Variants in PISD observed in about 807,000 individuals in gnomAD.
The protein encoded by PISD is phosphatidylserine decarboxylase proenzyme, mitochondrial.
Under a neutral mutation model 43.5 loss-of-function variants are expected in PISD, and 31 were observed. That is an observed-to-expected ratio of 0.71 (90% CI 0.54 to 0.96). The LOEUF is 0.96. Ranked by LOEUF, PISD falls within the 40% of genes least tolerant of loss-of-function variation. The pLI is 0.00. For synonymous variants in PISD, 259 were observed against 228.7 expected (o/e 1.13, Z -1.20); for missense variants, 523 against 548.4 (o/e 0.95, Z 0.46).
intron 3 of PISD, among the ~76,000 whole-genome samples, chr22:31,626,625 C>T (rs149269917): frequency 9.8e-5 from 15 of 152,320 alleles, no homozygotes; most frequent in Non-Finnish European, 1.8e-4. Context: ...GGGAACAGGC[C>T]AGGACTGCAG....
chr22:31,629,026 G>A (rs1002257504), intron 3 of PISD: 25 of 985,284 alleles, frequency 2.5e-5, no homozygotes, highest in African/African-American at 7.0e-5. Context: ...TAGGGGGTAG[G>A]GGAACACCTT....
intron 3 of PISD, chr22:31,626,029 G>C (rs2072890856): frequency 9.1e-6 from 13 of 1,432,358 alleles, no homozygotes; most frequent in Non-Finnish European, 1.2e-5. Flanking sequence ...ATTGCAGACA[G>C]ACAGGCACTG....
At chr22:31,662,462 T>C, upstream of PISD, 1 of 539,118 alleles carries the variant, frequency 1.9e-6, no homozygotes, top group Non-Finnish European at 3.3e-6. Context: ...TCCCTCTGGG[T>C]GCCTTTCCTC....
chr22:31,641,908 G>C (rs2073742073), intron 3 of PISD, among the ~76,000 whole-genome samples: 1 of 151,166 alleles, frequency 6.6e-6, no homozygotes, highest in Admixed American at 6.6e-5. Flanking sequence ...GCAGGAACAT[G>C]AAACCTTGGA....
rs536833381 is a variant in PISD at position 31,656,345 on chromosome 22, G to GA, written c.66-5568dup. 3.9e-3 allele frequency among the ~76,000 whole-genome samples: 570 copies of GA among 147,992 alleles called. 3 individuals carry two copies. The highest frequency in any genetic ancestry group is 5.8e-3 in the Admixed American group (86 of 14,836). On this transcript the variant is annotated intron_variant, in intron 1 of 7. Coordinates refer to ENST00000439502, the MANE Select transcript of PISD (RefSeq NM_001326411.2). ...GGCATGACAGAGCGAGACTCTGTCT[G>GA]AAAAAAACAAAAAAATAAAGGCCGG...
At chr22:31,638,349 C>A (rs1311681624) in intron 3 of PISD, 1 of 985,224 alleles carries the variant, frequency 1.0e-6, no homozygotes, top group African/African-American at 1.7e-5. Flanking sequence ...CAAGCCCCTG[C>A]CCCATGGGAA....
intron 3 of PISD, chr22:31,628,766 G>A (rs759224210): frequency 3.2e-6 from 3 of 927,112 alleles, no homozygotes; most frequent in Non-Finnish European, 3.9e-6. Flanking sequence ...GAGCACAGCT[G>A]CAACCATGGC....
chr22:31,662,309 G>T, upstream of PISD: 1 of 1,253,218 alleles, frequency 8.0e-7, no homozygotes, highest in Non-Finnish European at 1.2e-6. Context: ...AGAAAAGCGC[G>T]GGTTGGGGGC....
intron 3 of PISD, chr22:31,625,764 A>G (rs765032652): frequency 1.3e-6 from 2 of 1,587,714 alleles, no homozygotes; most frequent in Non-Finnish European, 1.7e-6. Flanking sequence ...GCATCTCACC[A>G]TTTCGCCGCG....
At chr22:31,625,605 G>T in intron 3 of PISD, 1 of 846,186 alleles carries the variant, frequency 1.2e-6, no homozygotes, top group Non-Finnish European at 1.8e-6. Context: ...CCGACTCAGG[G>T]TGCTCAGGCC....
At chr22:31,635,462 T>C (rs555751689) in intron 3 of PISD, among the ~76,000 whole-genome samples, 1 of 152,084 alleles carries the variant, frequency 6.6e-6, no homozygotes, top group African/African-American at 2.4e-5. Flanking sequence ...GCCACCACAC[T>C]GGGCTAATTT....
At chr22:31,644,460 C>T (rs943602931) in intron 3 of PISD, among the ~76,000 whole-genome samples, 3 of 151,900 alleles carry the variant, frequency 2.0e-5, no homozygotes, top group Non-Finnish European at 2.9e-5. Flanking sequence ...AGGATGGTCT[C>T]GATCTCCTGA....
At chr22:31,633,413 G>C (rs1156723536) in intron 3 of PISD, among the ~76,000 whole-genome samples, 2 of 152,152 alleles carry the variant, frequency 1.3e-5, no homozygotes, top group Admixed American at 6.6e-5. Flanking sequence ...AAGGCAGATG[G>C]GTGTTTAAAA....
Position 31,648,263 on chromosome 22 carries a change from G to A in PISD, c.159C>T (p.Ile53=), listed in dbSNP as rs2073936906. The A allele has an allele frequency of 1.9e-6, 3 of 1,607,314 alleles. No homozygotes were observed. The highest frequency in any genetic ancestry group is 2.5e-6 in the Non-Finnish European group (3 of 1,177,648). ...ACATGGTTCGGGCAGGGGCAGTGTG[G>A]ATTTTTCTGGCATCTGTAATAAAAA... is the stretch of plus-strand genomic sequence containing the variant. ...FRAFRTDARK[I]HTAPARTMFL... The change falls in exon 3 of 8, where the codon ATC becomes ATT. Residue 53 remains isoleucine, a synonymous_variant. Transcript: ENST00000439502.
chr22:31,624,756 C>CACGA (rs1556412913), intron 3 of PISD, among the ~76,000 whole-genome samples: 3 of 120,284 alleles, frequency 2.5e-5, no homozygotes, highest in Admixed American at 8.1e-5. Flanking sequence ...CACACACACA[C>CACGA]GAGACCCAAG....
rs1367396846 is a variant in PISD, at chr22:31,625,508, G to A, written c.322-3623C>T. On this transcript the variant is annotated intron_variant, in intron 3 of 7. Transcript: ENST00000439502. ...TGGGAGCACCAGGGTAGGGAAGATC[G>A]CAGGCATGAGGTCTGAGGCTCGCTG... The A allele has an allele frequency of 2.4e-5, 14 of 585,908 alleles. 1 individual carries two copies. The highest frequency in any genetic ancestry group is 1.4e-4 in the South Asian group (7 of 49,414). 36.3% of individuals were successfully genotyped at this position (585,908 alleles called of 1,614,324 possible).
intron 3 of PISD, among the ~76,000 whole-genome samples, chr22:31,640,579 T>G (rs77412371): frequency 0.039 from 4,958 of 127,314 alleles, 47 homozygotes; most frequent in African/African-American, 0.046. Flanking sequence ...TTGGTTGTTT[T>G]TTTTTTTTTT....
Position 31,621,340 on chromosome 22 carries a change from G to A in PISD, c.691C>T (p.Pro231Ser). 2 of 1,614,046 alleles carry A rather than the reference G, an allele frequency of 1.2e-6. No homozygotes were observed. The highest frequency in any genetic ancestry group is 2.7e-5 in the African/African-American group (2 of 75,044). The change falls in exon 5 of 8, where the codon CCA becomes TCA. Residue 231 changes from proline to serine, a missense_variant. Coordinates refer to ENST00000439502, the MANE Select transcript of PISD (RefSeq NM_001326411.2). ...CGCCTGTGCAGTGACCCACCTGGTG[G>A]GAAGGGCAGGTCCTCTGTGCACATA... ...PRMCTEDLPFPPAASCDSFKN... is the reference protein window; with the variant it reads ...PRMCTEDLPFSPAASCDSFKN...
chr22:31,631,330 G>A (rs1242523236), intron 3 of PISD, among the ~76,000 whole-genome samples: 1 of 152,202 alleles, frequency 6.6e-6, no homozygotes, highest in Non-Finnish European at 1.5e-5. Context: ...CTAGCCCTAG[G>A]AAGCTCCAGA....
Sources: allele counts gnomAD v4.1 joint callset (sites outside exome capture counted in the v4.1 genomes callset), GRCh38; gene constraint gnomAD v4.1.1; transcripts MANE v1.5; gene names NCBI Gene and HGNC (gene_info 2026-07-23, HGNC 2026-07-21).